Variants in NCALD observed in about 807,000 individuals in gnomAD.
NCALD encodes the protein neurocalcin delta.
Under a neutral mutation model 18.6 loss-of-function variants are expected in NCALD, and 10 were observed. The observed-to-expected ratio is 0.54, with a 90% CI of 0.33 to 0.91. NCALD has a LOEUF of 0.91. Among genes scored for constraint, NCALD ranks in the 40% least tolerant of loss-of-function variants. The pLI, the probability that NCALD is intolerant of heterozygous loss-of-function variation, is 0.03. For synonymous variants in NCALD, 88 were observed against 87.4 expected (o/e 1.01, Z -0.04); for missense variants, 184 against 247.6 (o/e 0.74, Z 1.72).
At chr8:102,121,767 A>G (rs867676965) in intron 1 of NCALD, among the ~76,000 whole-genome samples, 16 of 152,188 alleles carry the variant, frequency 1.1e-4, no homozygotes, top group Admixed American at 2.6e-4. Context: ...CCTCGAGGGC[A>G]AGGATCCCAT....
rs563182672 is a variant in NCALD, at chr8:101,892,264, A to G, written c.-106-5037T>C. On this transcript the variant is annotated intron_variant, in intron 3 of 6. Coordinates refer to the NCALD transcript ENST00000311028. ...CCAAGCAGGGGCACACTGACACCTC[A>G]CACGGCAGGGTATTCCAACAGACCT... Among the ~76,000 whole-genome samples, 14 of 146,890 alleles carry G rather than the reference A, an allele frequency of 9.5e-5. No homozygotes were observed. In the South Asian group the frequency reaches 3.0e-3, roughly 32 times the overall value.
chr8:101,849,051 T>C (rs530022553), intron 4 of NCALD, among the ~76,000 whole-genome samples: 3 of 152,350 alleles, frequency 2.0e-5, no homozygotes, highest in African/African-American at 7.2e-5. Flanking sequence ...ATTATGTCCT[T>C]TGTAGGAACA....
chr8:102,099,736 G>A (rs936410542), intron 1 of NCALD, among the ~76,000 whole-genome samples: 1 of 152,020 alleles, frequency 6.6e-6, no homozygotes, highest in Non-Finnish European at 1.5e-5. Flanking sequence ...CTGAGGTCAG[G>A]AGTTTGAGAC....
At chr8:102,051,690 G>GT (rs1305409708) in intron 1 of NCALD, among the ~76,000 whole-genome samples, 1 of 152,102 alleles carries the variant, frequency 6.6e-6, no homozygotes, top group Admixed American at 6.5e-5. Context: ...TGACATTTGC[G>GT]TTATTCAGCA....
chr8:101,835,360 A>C (rs1814368913), intron 4 of NCALD, among the ~76,000 whole-genome samples: 1 of 152,188 alleles, frequency 6.6e-6, no homozygotes, highest in Non-Finnish European at 1.5e-5. Context: ...CTTCTGCCAA[A>C]CCAGGAGATA....
intron 1 of NCALD, among the ~76,000 whole-genome samples, chr8:102,091,854 C>T (rs540057947): frequency 6.6e-6 from 1 of 152,292 alleles, no homozygotes; most frequent in South Asian, 2.1e-4. Context: ...ATATCATTGC[C>T]CCTATTTAGC....
At position 101,909,457 on chromosome 8, in the gene NCALD, C is replaced by A. The variant is rs1817715677; in HGVS notation, c.-107+6352G>T. 2.6e-5 allele frequency among the ~76,000 whole-genome samples: 4 copies of A among 152,196 alleles called. No individual in the cohort carries two copies. In the South Asian group the frequency reaches 8.3e-4, roughly 31 times the overall value. On this transcript the variant is annotated intron_variant, in intron 3 of 6. Transcript: ENST00000311028. ...ACCTTCATCACTGCCTTGCTCCACA[C>A]TCCTGTTCTCAGCCTCAGACTTCCA... is the stretch of plus-strand genomic sequence containing the variant.
chr8:101,758,585 C>T (rs1214839112), intron 1 of NCALD, among the ~76,000 whole-genome samples: 1 of 152,182 alleles, frequency 6.6e-6, no homozygotes, highest in Non-Finnish European at 1.5e-5. Context: ...TGTCTGTCAT[C>T]AAAGACCAGG....
chr8:101,691,056 G>C (rs1294892767), intron 3 of NCALD: 2 of 985,286 alleles, frequency 2.0e-6, no homozygotes, highest in Non-Finnish European at 2.4e-6. Context: ...AGAGCAACAG[G>C]CAAGCTAAAT....
chr8:101,752,925 CT>C (rs1313544573), intron 1 of NCALD, among the ~76,000 whole-genome samples: 1 of 147,904 alleles, frequency 6.8e-6, no homozygotes, highest in African/African-American at 2.7e-5. Flanking sequence ...TTACGATCCT[CT>C]TTTTTTGTTC....
chr8:102,074,567 A>C (rs907008848), intron 1 of NCALD, among the ~76,000 whole-genome samples: 3 of 152,120 alleles, frequency 2.0e-5, no homozygotes. Context: ...CCAAACCCAG[A>C]CTGATGACCT....
intron 1 of NCALD, among the ~76,000 whole-genome samples, chr8:102,055,711 C>A (rs1407355612): frequency 6.6e-6 from 1 of 152,174 alleles, no homozygotes; most frequent in Non-Finnish European, 1.5e-5. Flanking sequence ...GGTAAGAGGA[C>A]CACTCTCACT....
chr8:101,901,300 A>G (rs1817412440), intron 3 of NCALD, among the ~76,000 whole-genome samples: 1 of 131,704 alleles, frequency 7.6e-6, no homozygotes, highest in Admixed American at 7.4e-5. Flanking sequence ...CATCATGTCA[A>G]AAAAAAAATC....
chr8:101,844,793 G>A (rs1271033929), intron 4 of NCALD, among the ~76,000 whole-genome samples: 1 of 152,194 alleles, frequency 6.6e-6, no homozygotes, highest in African/African-American at 2.4e-5. Flanking sequence ...GCAATATTGT[G>A]CAGGGTGCTT....
chr8:101,861,145 C>T (rs1266112697), intron 4 of NCALD, among the ~76,000 whole-genome samples: 1 of 152,050 alleles, frequency 6.6e-6, no homozygotes. Flanking sequence ...ACTTCTGACG[C>T]CCAGAATGGT....
At chr8:101,880,273 C>T (rs886577762) in intron 4 of NCALD, among the ~76,000 whole-genome samples, 1 of 152,158 alleles carries the variant, frequency 6.6e-6, no homozygotes, top group Non-Finnish European at 1.5e-5. Flanking sequence ...GGGCCAGCAG[C>T]ACTGGCCAGC....
chr8:101,807,925 G>C (rs1813163034), intron 4 of NCALD, among the ~76,000 whole-genome samples: 1 of 151,888 alleles, frequency 6.6e-6, no homozygotes, highest in Admixed American at 6.6e-5. Context: ...TAGAAAGAAG[G>C]AAATAATAAA....
intron 2 of NCALD, among the ~76,000 whole-genome samples, chr8:101,945,991 C>T (rs1819155820): frequency 2.0e-5 from 3 of 152,164 alleles, no homozygotes; most frequent in Admixed American, 2.0e-4. Context: ...ACCATATTAT[C>T]GCTTCCCTAG....
chr8:101,761,564 T>C (rs1281614792), intron 1 of NCALD, among the ~76,000 whole-genome samples: 1 of 152,220 alleles, frequency 6.6e-6, no homozygotes, highest in Admixed American at 6.5e-5. Flanking sequence ...GAAATATTTA[T>C]TAAGAACTTA....
Sources: gnomAD v4.1 joint callset for allele counts (sites outside exome capture counted in the v4.1 genomes callset) on GRCh38, gnomAD v4.1.1 for gene constraint, MANE v1.5 for transcripts, NCBI Gene and HGNC (gene_info 2026-07-23, HGNC 2026-07-21) for gene names.